Variants in CDH12 observed in about 807,000 individuals in gnomAD.
The protein encoded by CDH12 is cadherin-12.
Under a neutral mutation model 74.1 loss-of-function variants are expected in CDH12, and 41 were observed. That is an observed-to-expected ratio of 0.55 (90% CI 0.43 to 0.72). The LOEUF (loss-of-function observed/expected upper bound fraction) is 0.72, where lower values mean the gene tolerates loss of function less well. Among genes scored for constraint, CDH12 ranks in the 30% least tolerant of loss-of-function variants. The pLI is 0.00. For missense variants in CDH12, 945 were observed against 977.2 expected (o/e 0.97, Z 0.44); for synonymous variants, 399 against 355.0 (o/e 1.12, Z -1.39).
intron 10 of CDH12, among the ~76,000 whole-genome samples, chr5:21,789,853 G>C (rs1168708278): frequency 6.6e-6 from 1 of 152,078 alleles, no homozygotes; most frequent in Non-Finnish European, 1.5e-5. Flanking sequence ...TGAGAGCAGA[G>C]ACTAGCTTTG....
At chr5:22,716,858 G>T (rs1396833627) in intron 1 of CDH12, among the ~76,000 whole-genome samples, 1 of 150,984 alleles carries the variant, frequency 6.6e-6, no homozygotes, top group South Asian at 2.1e-4. Flanking sequence ...ATTTGAAAAA[G>T]AAAAAAAGAT....
At chr5:22,817,022 T>G (rs1363301102) in intron 1 of CDH12, among the ~76,000 whole-genome samples, 1 of 152,166 alleles carries the variant, frequency 6.6e-6, no homozygotes, top group Non-Finnish European at 1.5e-5. Flanking sequence ...ATTCTCTAAC[T>G]CACATCTAAA....
chr5:22,550,021 C>T (rs1403699757), intron 1 of CDH12, among the ~76,000 whole-genome samples: 2 of 152,174 alleles, frequency 1.3e-5, no homozygotes, highest in African/African-American at 2.4e-5. Flanking sequence ...GTGCTGTAGC[C>T]ATGTCTCAGT....
intron 11 of CDH12, among the ~76,000 whole-genome samples, chr5:21,769,345 G>A (rs1032572879): frequency 6.6e-6 from 1 of 152,046 alleles, no homozygotes; most frequent in Non-Finnish European, 1.5e-5. Flanking sequence ...ACATGAACCT[G>A]TAGATGGAAA....
chr5:22,795,024 A>C (rs1748116532), intron 1 of CDH12, among the ~76,000 whole-genome samples: 1 of 152,166 alleles, frequency 6.6e-6, no homozygotes, highest in South Asian at 2.1e-4. Flanking sequence ...AGGTAATTTC[A>C]TAAACTCAGA....
intron 4 of CDH12, among the ~76,000 whole-genome samples, chr5:22,192,037 G>A (rs1373604185): frequency 6.6e-6 from 1 of 152,136 alleles, no homozygotes; most frequent in African/African-American, 2.4e-5. Context: ...CAGGATTCAA[G>A]TGATTCTCCT....
chr5:22,722,452 C>T (rs769199181), intron 1 of CDH12, among the ~76,000 whole-genome samples: 2 of 152,154 alleles, frequency 1.3e-5, no homozygotes, highest in African/African-American at 2.4e-5. Flanking sequence ...TTAAGTTATA[C>T]AGTTAAAATT....
chr5:22,446,524 G>A (rs1014633708), intron 2 of CDH12, among the ~76,000 whole-genome samples: 2 of 152,076 alleles, frequency 1.3e-5, no homozygotes, highest in Admixed American at 1.3e-4. Context: ...TCGGATAGAA[G>A]TTTAATAAGC....
chr5:22,775,432 T>C (rs1488934729), intron 1 of CDH12, among the ~76,000 whole-genome samples: 1 of 152,104 alleles, frequency 6.6e-6, no homozygotes, highest in East Asian at 1.9e-4. Flanking sequence ...GGGTCTGTCA[T>C]GCCAAGGTAA....
chr5:22,573,860 A>G (rs1739652693), intron 1 of CDH12, among the ~76,000 whole-genome samples: 1 of 152,072 alleles, frequency 6.6e-6, no homozygotes, highest in Admixed American at 6.6e-5. Context: ...TATAAGACAC[A>G]CAGTATGCCC....
At chr5:21,827,422 G>T (rs1748740792) in intron 8 of CDH12, among the ~76,000 whole-genome samples, 1 of 152,062 alleles carries the variant, frequency 6.6e-6, no homozygotes, top group South Asian at 2.1e-4. Flanking sequence ...ATGTGACAAG[G>T]TTCTAGAAGA....
chr5:22,362,786 A>G (rs534080005), intron 3 of CDH12, among the ~76,000 whole-genome samples: 49 of 152,108 alleles, frequency 3.2e-4, no homozygotes, highest in African/African-American at 1.2e-3. Context: ...TTGTAGGAAC[A>G]TGGATGAAAC....
In CDH12 at chr5:22,262,754, T is replaced by C. The variant is rs527645237; in HGVS notation, c.-332-50111A>G. On this transcript the variant is annotated intron_variant, in intron 3 of 14. Transcript: ENST00000382254. ...CCAACAGTGTAAAAGTGTTCCTGTT[T>C]CTCCACGTCCTCTCCAGCACCTGTT... 2.0e-5 allele frequency among the ~76,000 whole-genome samples: 3 copies of C among 152,108 alleles called. No homozygotes were observed. In the East Asian group the frequency reaches 5.8e-4, roughly 29 times the overall value.
At chr5:22,740,395 T>C (rs1560996474) in intron 1 of CDH12, among the ~76,000 whole-genome samples, 2 of 151,958 alleles carry the variant, frequency 1.3e-5, no homozygotes, top group Admixed American at 6.6e-5. Context: ...ATGCTAAACA[T>C]ATCTTCTCCA....
chr5:22,652,354 C>T (rs563509372), intron 1 of CDH12, among the ~76,000 whole-genome samples: 3 of 152,204 alleles, frequency 2.0e-5, no homozygotes, highest in African/African-American at 7.2e-5. Context: ...TTGTTCTTGA[C>T]ATTCTGTAGC....
chr5:22,775,033 CTA>C (rs531027511), intron 1 of CDH12, among the ~76,000 whole-genome samples: 3 of 150,758 alleles, frequency 2.0e-5, no homozygotes, highest in Non-Finnish European at 4.4e-5. Context: ...TATATAATAT[CTA>C]TATATATGTG....
intron 1 of CDH12, among the ~76,000 whole-genome samples, chr5:22,687,615 A>C (rs1741879706): frequency 1.3e-5 from 2 of 151,964 alleles, no homozygotes; most frequent in South Asian, 4.2e-4. Flanking sequence ...GGGATTTTCC[A>C]TGTTGCCCAG....
chr5:21,944,199 TTA>T lies in CDH12; in HGVS notation c.526+30890_526+30891del, dbSNP rs368335703. Among the ~76,000 whole-genome samples the T allele has an allele frequency of 1.8e-4, 27 of 152,328 alleles. No homozygotes were observed. In the East Asian group the frequency reaches 4.2e-3, roughly 24 times the overall value. On this transcript the variant is annotated intron_variant, in intron 6 of 14. Transcript: ENST00000382254. ...AAAGCAGCACATTATCTTAAATATTTTATGTTTTTCTTATTACTAACAGTTTA... is the reference window on the plus strand; with the variant it reads ...AAAGCAGCACATTATCTTAAATATTTTGTTTTTCTTATTACTAACAGTTTA...
intron 6 of CDH12, among the ~76,000 whole-genome samples, chr5:21,864,444 G>A (rs879865077): frequency 1.3e-5 from 2 of 152,080 alleles, no homozygotes; most frequent in Admixed American, 6.6e-5. Flanking sequence ...TTGCATGTAC[G>A]TTCTCTCTTG....
Sources: gnomAD v4.1 joint callset for allele counts (sites outside exome capture counted in the v4.1 genomes callset) on GRCh38, gnomAD v4.1.1 for gene constraint, MANE v1.5 for transcripts, NCBI Gene and HGNC (gene_info 2026-07-23, HGNC 2026-07-21) for gene names.